The following SDCCAG8 variants were observed in gnomAD, a reference collection of about 807,000 sequenced individuals.
SDCCAG8 encodes SHH signaling and ciliogenesis regulator SDCCAG8, also known as serologically defined colon cancer antigen 8.
In SDCCAG8, 74 loss-of-function variants were observed where a neutral mutation model predicts 101.8. The observed-to-expected ratio is 0.73, with a 90% CI of 0.60 to 0.88. The LOEUF (loss-of-function observed/expected upper bound fraction) is 0.88, where lower values mean the gene tolerates loss of function less well. Ranked by LOEUF, SDCCAG8 falls within the 40% of genes least tolerant of loss-of-function variation. The pLI, the probability that SDCCAG8 is intolerant of heterozygous loss-of-function variation, is 0.00. For synonymous variants in SDCCAG8, 281 were observed against 292.9 expected (o/e 0.96, Z 0.41); for missense variants, 787 against 822.6 (o/e 0.96, Z 0.53).
At chr1:243,377,411 A>C (rs2077660761) in intron 12 of SDCCAG8, among the ~76,000 whole-genome samples, 1 of 152,016 alleles carries the variant, frequency 6.6e-6, no homozygotes, top group Non-Finnish European at 1.5e-5. Flanking sequence ...ATTTTAAAGA[A>C]ATAAGTCAGT....
intron 12 of SDCCAG8, among the ~76,000 whole-genome samples, chr1:243,365,005 A>G (rs1481910911): frequency 2.0e-5 from 3 of 152,212 alleles, no homozygotes; most frequent in Non-Finnish European, 4.4e-5. Context: ...TGTTTTCTTT[A>G]TTGCATTGAA....
rs376221876 is a variant in SDCCAG8, at chr1:243,256,130, A to C, written c.-44A>C. On this transcript the variant is annotated 5_prime_UTR_variant, in exon 1 of 18. Coordinates refer to ENST00000366541, the MANE Select transcript of SDCCAG8 (RefSeq NM_006642.5). ...TTGTTCTCGGAAGGGAGAAAGCTGG[A>C]CATTTCCCCACGTAACTCCCAGCTC... is the stretch of plus-strand genomic sequence containing the variant. The C allele has an allele frequency of 6.4e-6, 10 of 1,566,260 alleles. No individual in the cohort carries two copies. Among genetic ancestry groups the C allele is most frequent in the Middle Eastern group, 3.3e-4 (2 of 5,996 alleles).
At chr1:243,286,171 C>A in intron 4 of SDCCAG8, 101 bp from the exon 5 acceptor site, 1 of 1,184,666 alleles carries the variant, frequency 8.4e-7, no homozygotes, top group Non-Finnish European at 1.3e-6. Flanking sequence ...AAAAGGAGAA[C>A]ATAAGTCTTC....
intron 12 of SDCCAG8, among the ~76,000 whole-genome samples, chr1:243,360,381 T>G (rs1328354067): frequency 6.6e-6 from 1 of 151,890 alleles, no homozygotes; most frequent in Non-Finnish European, 1.5e-5. Flanking sequence ...CTCGATCTCT[T>G]GAGCTTGTGA....
In SDCCAG8 at chr1:243,344,285, G is replaced by C. The variant is rs761873846; in HGVS notation, c.1427G>C (p.Arg476Thr). The change falls in exon 12 of 18, where the codon AGA becomes ACA. Residue 476 changes from arginine to threonine, a missense_variant. By Grantham distance (71) the Arg-to-Thr change is moderately conservative. Transcript: ENST00000366541. ...AAGGATGAGGCAGAAAAGGAGCACA[G>C]AGAGTTCAGAGCAAAAACTAACAGG... ...MEKDEAEKEH[R>T]EFRAKTNRDL... 3 of 1,613,918 alleles carry C rather than the reference G, an allele frequency of 1.9e-6. No homozygotes were observed. The Admixed American group carries it at 5.0e-5, about 27-fold the overall frequency.
chr1:243,411,101 T>G (rs2080139507), intron 13 of SDCCAG8, among the ~76,000 whole-genome samples: 2 of 152,042 alleles, frequency 1.3e-5, no homozygotes, highest in Non-Finnish European at 2.9e-5. Flanking sequence ...CTCCTTTAAT[T>G]TATTTATTTT....
chr1:243,308,022 A>T lies in SDCCAG8; in HGVS notation c.774A>T (p.Glu258Asp). The T allele has an allele frequency of 1.2e-6, 2 of 1,614,136 alleles. No individual in the cohort carries two copies. The highest frequency in any genetic ancestry group is 2.2e-5 in the South Asian group (2 of 91,088). Residue 258 changes from glutamate to aspartate, a missense_variant, in exon 8 of 18, where the codon GAA becomes GAT. Glu to Asp is a conservative substitution (Grantham distance 45). Coordinates refer to ENST00000366541, the MANE Select transcript of SDCCAG8 (RefSeq NM_006642.5). ...NDLAEYQRTC[E>D]DLKEQLKHKE... ...TAGCTGAATATCAGAGAACTTGTGAAGATCTTAAAGAGCAACTAAAGCATA... is the reference window on the plus strand; with the variant it reads ...TAGCTGAATATCAGAGAACTTGTGATGATCTTAAAGAGCAACTAAAGCATA...
intron 15 of SDCCAG8, among the ~76,000 whole-genome samples, chr1:243,419,762 C>G (rs1275249289): frequency 6.6e-6 from 1 of 152,282 alleles, no homozygotes; most frequent in East Asian, 1.9e-4. Flanking sequence ...AAAATTCAAG[C>G]CACAGTAGTT....
chr1:243,469,830 G>GTTTTTTTTTTT (rs746906257), intron 16 of SDCCAG8, among the ~76,000 whole-genome samples: 6 of 123,522 alleles, frequency 4.9e-5, no homozygotes, highest in African/African-American at 1.6e-4. Context: ...GAAAGTGTTG[G>GTTTTTTTTTTT]TTTTTTTTTT....
At chr1:243,267,605 G>GAA (rs113992307) in intron 1 of SDCCAG8, 4,369 of 451,654 alleles carry the variant, frequency 9.7e-3, no homozygotes, top group Middle Eastern at 0.012. Flanking sequence ...TCCCTCTCAA[G>GAA]AAAAAAAAAA....
intron 16 of SDCCAG8, among the ~76,000 whole-genome samples, chr1:243,478,956 C>CAAAAAAAAAAAA (rs148382740): frequency 2.6e-3 from 242 of 94,652 alleles, no homozygotes; most frequent in Non-Finnish European, 3.1e-3. Flanking sequence ...GACTCTGTCT[C>CAAAAAAAAAAAA]AAAAAAAAAA....
At chr1:243,355,059 T>G (rs2076308022) in intron 12 of SDCCAG8, among the ~76,000 whole-genome samples, 1 of 152,230 alleles carries the variant, frequency 6.6e-6, no homozygotes, top group Admixed American at 6.5e-5. Context: ...TGAGTGTTAA[T>G]GAGTTGCAAG....
intron 13 of SDCCAG8, among the ~76,000 whole-genome samples, chr1:243,380,123 A>G (rs765511625): frequency 6.6e-5 from 10 of 152,222 alleles, no homozygotes; most frequent in Non-Finnish European, 1.3e-4. Context: ...AAAATAAATT[A>G]TTAATACATG....
chr1:243,286,748 T>A (rs2069658804), intron 5 of SDCCAG8, among the ~76,000 whole-genome samples: 2 of 152,174 alleles, frequency 1.3e-5, no homozygotes, highest in Non-Finnish European at 2.9e-5. Context: ...CTCTAAATTT[T>A]CCTTGAGGTC....
At chr1:243,384,695 A>C (rs1009493906) in intron 13 of SDCCAG8, among the ~76,000 whole-genome samples, 1 of 152,032 alleles carries the variant, frequency 6.6e-6, no homozygotes, top group Admixed American at 6.6e-5. Context: ...GCAGTCCCAG[A>C]AACTTGGGAG....
Position 243,322,780 on chromosome 1 carries a change from T to A in SDCCAG8, c.1068+5887T>A, listed in dbSNP as rs562136964. On this transcript the variant is annotated intron_variant, in intron 9 of 17. Transcript: ENST00000366541. ...CAGTGAAAATTAGGCCCAATCACAC[T>A]TTTTTTTTTTTTTAATAGCTAGTTC... Among the ~76,000 whole-genome samples the A allele has an allele frequency of 5.1e-5, 7 of 136,782 alleles. No individual in the cohort carries two copies. In the East Asian group the frequency reaches 1.4e-3, roughly 28 times the overall value. 89.7% of individuals were successfully genotyped at this position (136,782 alleles called of 152,430 possible). A position where few individuals can be genotyped will look rare whatever the true frequency, so the allele number is the denominator to read the frequency against.
chr1:243,278,652 T>C (rs1363022141), intron 4 of SDCCAG8, among the ~76,000 whole-genome samples: 5 of 152,224 alleles, frequency 3.3e-5, no homozygotes, highest in Non-Finnish European at 5.9e-5. Flanking sequence ...AAGTCACTTA[T>C]TAGTTCCAGC....
rs1372933002 is a variant in SDCCAG8, at chr1:243,256,764, G to A, written c.67+524G>A. On this transcript the variant is annotated intron_variant, in intron 1 of 17. Transcript: ENST00000366541. ...TGAATATTTTACACATGGGGAAAGCGAAGCTCAGAGAGGTTGAATTACAGG... is the reference window on the plus strand; with the variant it reads ...TGAATATTTTACACATGGGGAAAGCAAAGCTCAGAGAGGTTGAATTACAGG... Among the ~76,000 whole-genome samples the A allele has an allele frequency of 3.3e-5, 5 of 152,242 alleles. No homozygotes were observed. In the South Asian group the frequency reaches 6.2e-4, roughly 19 times the overall value.
At chr1:243,279,457 G>A (rs1262913530) in intron 4 of SDCCAG8, among the ~76,000 whole-genome samples, 1 of 152,230 alleles carries the variant, frequency 6.6e-6, no homozygotes, top group Non-Finnish European at 1.5e-5. Context: ...CATCATGAGA[G>A]AATATTATAC....
Sources: allele counts gnomAD v4.1 joint callset (sites outside exome capture counted in the v4.1 genomes callset), GRCh38; gene constraint gnomAD v4.1.1; transcripts MANE v1.5; gene names NCBI Gene and HGNC (gene_info 2026-07-23, HGNC 2026-07-21).